FGFR1: variants seen among roughly 807,000 people sequenced by gnomAD.
FGFR1 encodes fibroblast growth factor receptor 1.
In FGFR1, 18 loss-of-function variants were observed where a neutral mutation model predicts 93.7. That is an observed-to-expected ratio of 0.19 (90% confidence interval 0.13 to 0.28). The LOEUF (loss-of-function observed/expected upper bound fraction) is 0.28, where lower values mean the gene tolerates loss of function less well. FGFR1 is among the 10% of genes least tolerant of loss of function. FGFR1 has a pLI of 1.00. For synonymous variants in FGFR1, 448 were observed against 429.3 expected, an observed-to-expected ratio of 1.04 and a Z score of -0.54; for missense variants, 731 against 1,080.4, an observed-to-expected ratio of 0.68 and a Z score of 4.53.
chr8:38,411,294 T>A lies in FGFR1; in HGVS notation c.*2334A>T, dbSNP rs1434265793. The A allele has an allele frequency of 9.5e-6, 2 of 211,014 alleles. No individual in the cohort carries two copies. The highest frequency in any genetic ancestry group is 1.9e-5 in the Non-Finnish European group (2 of 104,122). 13.1% of individuals were successfully genotyped at this position (211,014 alleles called of 1,614,324 possible). ...CCAAGGACTTATGAAGACTTTTAGA[T>A]TCTTCATCCCTTCACACAACATTGC... On this transcript the variant is annotated 3_prime_UTR_variant, in exon 18 of 18. Coordinates refer to ENST00000447712, the MANE Select transcript of FGFR1 (RefSeq NM_023110.3).
At position 38,413,275 on chromosome 8, in the gene FGFR1, C is replaced by G. The variant is rs1814981375; in HGVS notation, c.*353G>C. On this transcript the variant is annotated 3_prime_UTR_variant, in exon 18 of 18. Transcript: ENST00000447712. The surrounding 1 kb of genome is among the most constrained non-coding windows in gnomAD (Gnocchi z 4.2). The stretch of plus-strand genomic sequence containing the variant: ...GTGAAGGCAAAACAGACCAAACCGA[C>G]AGGAGAAAGCTCAGGAAGCTCTCAC... 1 of 379,594 alleles carries G rather than the reference C, an allele frequency of 2.6e-6. No individual in the cohort carries two copies. Among genetic ancestry groups the G allele is most frequent in the South Asian group, 4.8e-5 (1 of 20,926 alleles). The allele number at this position is 379,594 out of a possible 1,614,324, so 23.5% of individuals were successfully genotyped here.
intron 1 of FGFR1, among the ~76,000 whole-genome samples, chr8:38,460,863 A>G (rs545298371): frequency 1.3e-5 from 2 of 152,120 alleles, no homozygotes; most frequent in East Asian, 1.9e-4. Flanking sequence ...AATTTTTCCA[A>G]TCCCTTAGAA....
At chr8:38,431,272 TCTC>T (rs1428171291) in intron 2 of FGFR1, among the ~76,000 whole-genome samples, 2 of 152,134 alleles carry the variant, frequency 1.3e-5, no homozygotes, top group Admixed American at 6.5e-5. Flanking sequence ...GCTGGTGACT[TCTC>T]CTCCAGGGCG....
chr8:38,414,550 C>A lies in FGFR1; in HGVS notation c.2048+9G>T. On this transcript the variant is annotated intron_variant, in intron 15 of 17. Transcript: ENST00000447712. ...CACACCTCCCTGGCAATTGCTATTA[C>A]AAACTCACACATCACTCTGGTGGGT... The A allele has an allele frequency of 1.2e-6, 2 of 1,614,036 alleles. No individual in the cohort carries two copies. The highest frequency in any genetic ancestry group is 1.7e-6 in the Non-Finnish European group (2 of 1,179,944).
At chr8:38,417,466 G>T in intron 11 of FGFR1, 50 bp from the exon 12 acceptor site, 1 of 1,507,636 alleles carries the variant, frequency 6.6e-7, no homozygotes, top group Non-Finnish European at 9.2e-7. Context: ...AGGAGGGCAG[G>T]ATAAAGGCTA....
chr8:38,453,906 C>CAAA (rs1375603794), intron 2 of FGFR1, among the ~76,000 whole-genome samples: 2 of 152,028 alleles, frequency 1.3e-5, no homozygotes, highest in Admixed American at 6.6e-5. Flanking sequence ...AACCAACCAA[C>CAAA]CAACAAACAA....
At chr8:38,422,125 G>T (rs1819028529) in intron 7 of FGFR1, 184 bp from the exon 8 acceptor site, 1 of 669,024 alleles carries the variant, frequency 1.5e-6, no homozygotes. Flanking sequence ...AAGAGGGTGA[G>T]ACCCTGAGGG....
intron 11 of FGFR1, 112 bp downstream of exon 11, chr8:38,417,758 G>T: frequency 6.7e-7 from 1 of 1,488,212 alleles, no homozygotes; most frequent in Non-Finnish European, 9.4e-7. Context: ...GCAGGCAGCG[G>T]AGCAGGTGTG....
At chr8:38,459,581 T>C (rs1833857300) in intron 1 of FGFR1, among the ~76,000 whole-genome samples, 1 of 152,196 alleles carries the variant, frequency 6.6e-6, no homozygotes, top group African/African-American at 2.4e-5. Context: ...AATTTAGAAC[T>C]ATAGTGAGGA....
At chr8:38,462,765 G>A (rs536265967) in intron 1 of FGFR1, among the ~76,000 whole-genome samples, 43 of 151,792 alleles carry the variant, frequency 2.8e-4, no homozygotes, top group East Asian at 2.0e-4. Flanking sequence ...CACCAAGCCC[G>A]GCTAATTTTT....
intron 2 of FGFR1, among the ~76,000 whole-genome samples, chr8:38,453,851 C>T (rs1190451536): frequency 1.3e-5 from 2 of 152,102 alleles, no homozygotes; most frequent in Non-Finnish European, 2.9e-5. Context: ...AAGATCATGC[C>T]ACTGCATTCC....
chr8:38,468,448 G>A lies in FGFR1; in HGVS notation c.-556C>T, dbSNP rs1179069376. The A allele has an allele frequency of 8.7e-6, 2 of 228,612 alleles. No individual in the cohort carries two copies. The highest frequency in any genetic ancestry group is 1.7e-5 in the Non-Finnish European group (2 of 114,974). The allele number at this position is 228,612 out of a possible 1,614,324, so 14.2% of individuals were successfully genotyped here. A position where few individuals can be genotyped will look rare whatever the true frequency, so the allele number is the denominator to read the frequency against. The stretch of plus-strand genomic sequence containing the variant: ...TTCAAGCAGCGGCGCGCTCGCGGCC[G>A]GGGAAGGCGAGGTCGCCGCAATGCG... On this transcript the variant is annotated 5_prime_UTR_variant, in exon 1 of 18. Transcript: ENST00000447712.
intron 2 of FGFR1, among the ~76,000 whole-genome samples, chr8:38,454,534 G>A (rs1444669442): frequency 6.6e-6 from 1 of 152,128 alleles, no homozygotes; most frequent in East Asian, 1.9e-4. Context: ...TGCTATTGCT[G>A]TAGTGTCTTT....
chr8:38,414,944 G>A, intron 13 of FGFR1, 43 bp from the exon 14 acceptor site: 6 of 1,575,750 alleles, frequency 3.8e-6, no homozygotes, highest in Non-Finnish European at 5.2e-6. Flanking sequence ...GGAGGTGAGG[G>A]AGCTGGAAGG....
chr8:38,446,382 T>C (rs1463373504), intron 2 of FGFR1, among the ~76,000 whole-genome samples: 1 of 151,784 alleles, frequency 6.6e-6, no homozygotes, highest in Non-Finnish European at 1.5e-5. Context: ...GGCTAGTTTT[T>C]TGTATTTTAG....
At chr8:38,430,939 T>C (rs951440585) in intron 2 of FGFR1, 2 of 152,314 alleles carry the variant, frequency 1.3e-5, no homozygotes, top group African/African-American at 2.4e-5. Context: ...CCTGGGCTGT[T>C]ACCCATCTCC....
intron 1 of FGFR1, chr8:38,466,525 G>A (rs2151487583): frequency 4.3e-6 from 1 of 231,028 alleles, no homozygotes; most frequent in Admixed American, 5.6e-5. Context: ...GAAAGCACCC[G>A]GACCGCCGCC....
At chr8:38,460,531 G>T (rs1586779929) in intron 1 of FGFR1, among the ~76,000 whole-genome samples, 1 of 152,208 alleles carries the variant, frequency 6.6e-6, no homozygotes, top group African/African-American at 2.4e-5. Flanking sequence ...CCCAGGTGTG[G>T]GCTGGCTGCA....
chr8:38,414,046 G>A, intron 16 of FGFR1, 23 bp from the exon 17 acceptor site: 1 of 1,613,846 alleles, frequency 6.2e-7, no homozygotes, highest in Non-Finnish European at 8.5e-7. Context: ...TGTAAGGTCA[G>A]GGACGTCTCC....
Sources: allele counts gnomAD v4.1 joint callset (sites outside exome capture counted in the v4.1 genomes callset), GRCh38; gene constraint gnomAD v4.1.1; non-coding constraint Gnocchi (gnomAD v3.1); transcripts MANE v1.5; gene names NCBI Gene and HGNC (gene_info 2026-07-23, HGNC 2026-07-21).